Variants in CLIP2 observed in about 807,000 individuals in gnomAD.
CLIP2 encodes CAP-Gly domain containing linker protein 2, also known as CAP-Gly domain-containing linker protein 2.
In CLIP2, 41 loss-of-function variants were observed where a neutral mutation model predicts 111.7. The ratio of observed to expected loss-of-function variants is 0.37; its 90% CI spans 0.29 to 0.48. The LOEUF (loss-of-function observed/expected upper bound fraction) is 0.48. Among genes scored for constraint, CLIP2 ranks in the 20% least tolerant of loss-of-function variants. The pLI is 0.99. For synonymous variants in CLIP2, 660 were observed against 644.2 expected, an observed-to-expected ratio of 1.02 and a Z score of -0.37; for missense variants, 1,160 against 1,422.1, an observed-to-expected ratio of 0.82 and a Z score of 2.96.
At chr7:74,309,814 G>A (rs1170945027) in intron 1 of CLIP2, among the ~76,000 whole-genome samples, 2 of 132,058 alleles carry the variant, frequency 1.5e-5, no homozygotes, top group Admixed American at 8.2e-5. Context: ...GTGACAGAGC[G>A]AGACTCCATC....
chr7:74,324,055 A>G (rs1789045689), intron 2 of CLIP2, among the ~76,000 whole-genome samples: 1 of 152,072 alleles, frequency 6.6e-6, no homozygotes, highest in African/African-American at 2.4e-5. Context: ...GCTGGAGTGC[A>G]GTGGCACGAT....
chr7:74,367,763 TCTCAGATATTGG>T (rs1232371756), intron 8 of CLIP2, among the ~76,000 whole-genome samples: 1 of 152,098 alleles, frequency 6.6e-6, no homozygotes, highest in Non-Finnish European at 1.5e-5. Context: ...ACGGTTCCCA[TCTCAGATATTGG>T]CCCCCAAATC....
In CLIP2 at chr7:74,371,635, TGGAGAGAGAGAG is replaced by T. The variant is rs1406832468; in HGVS notation, c.1381-1292_1381-1281del. 1.0e-4 allele frequency among the ~76,000 whole-genome samples: 9 copies of T among 86,508 alleles called. No individual in the cohort carries two copies. The East Asian group carries it at 2.8e-3, about 27-fold the overall frequency. The allele number at this position is 86,508 out of a possible 152,430, so 56.8% of individuals were successfully genotyped here. ...GGAGGGAGGGAAACAGGGAGGGGAA[TGGAGAGAGAGAG>T]GGAGGGAGAGAGGGAAAAAGAAAGG... On this transcript the variant is annotated intron_variant, in intron 8 of 16. Transcript: ENST00000223398.
chr7:74,366,813 T>TTA (rs1790479019), intron 8 of CLIP2, among the ~76,000 whole-genome samples: 1 of 148,628 alleles, frequency 6.7e-6, no homozygotes, highest in Non-Finnish European at 1.5e-5. Flanking sequence ...GAGGCGGCAG[T>TTA]TACAGTGAGC....
chr7:74,394,598 A>G (rs1027562222), intron 13 of CLIP2, among the ~76,000 whole-genome samples: 5 of 152,218 alleles, frequency 3.3e-5, no homozygotes, highest in Non-Finnish European at 7.3e-5. Flanking sequence ...TGAAGCACAG[A>G]CATCCTTTTG....
At chr7:74,336,033 C>T (rs1427670627) in intron 2 of CLIP2, among the ~76,000 whole-genome samples, 20 of 151,454 alleles carry the variant, frequency 1.3e-4, no homozygotes, top group Admixed American at 7.3e-4. Context: ...TAAGCCACTG[C>T]GCCTGGCCTC....
intron 12 of CLIP2, chr7:74,388,807 A>AG: frequency 4.5e-6 from 1 of 220,946 alleles, no homozygotes. Context: ...AAAAAAAAAA[A>AG]CCGCCAGGTA....
At chr7:74,321,265 C>T (rs229869) in intron 2 of CLIP2, among the ~76,000 whole-genome samples, 93,078 of 151,832 alleles carry the variant, frequency 0.61, 30,557 homozygotes, top group Middle Eastern at 0.74. Flanking sequence ...AAAAAAACGT[C>T]CATTATCCTT....
intron 3 of CLIP2, among the ~76,000 whole-genome samples, chr7:74,344,299 T>G (rs1363196658): frequency 6.6e-6 from 1 of 152,170 alleles, no homozygotes; most frequent in Non-Finnish European, 1.5e-5. Flanking sequence ...ATCTTGACCT[T>G]AGCTTCTCAA....
rs1048033321 is a variant in CLIP2, at chr7:74,289,579, G to A, written c.-223G>A. 15 of 151,962 alleles carry A rather than the reference G, an allele frequency of 9.9e-5. No homozygotes were observed. Among genetic ancestry groups the A allele is most frequent in the African/African-American group, 3.4e-4 (14 of 41,520 alleles). The allele number at this position is 151,962 out of a possible 1,614,324, so 9.4% of individuals were successfully genotyped here. ...GGCCCGGGCCCTGAGCACCTATCGC[G>A]GGGATCCCCGGCGCCAGGAGGGGGT... On this transcript the variant is annotated 5_prime_UTR_variant, in exon 1 of 17. Transcript: ENST00000223398.
intron 9 of CLIP2, among the ~76,000 whole-genome samples, chr7:74,374,023 C>A (rs1261092503): frequency 2.0e-5 from 3 of 152,156 alleles, no homozygotes; most frequent in Non-Finnish European, 4.4e-5. Flanking sequence ...CCACAGTCCC[C>A]TCCAGGCTTA....
Position 74,357,467 on chromosome 7 carries a change from A to G in CLIP2, c.1205A>G (p.Gln402Arg). Residue 402 changes from glutamine to arginine, a missense_variant, in exon 6 of 17, where the codon CAG becomes CGG. By Grantham distance (43) the Gln-to-Arg change is conservative. Around this residue, in one of 5 missense-constraint regions of CLIP2, gnomAD observed 70 missense variants for 114.9 expected, o/e 0.61. Transcript: ENST00000223398. ...AAGGAGATTGCCCTGCTCAAGGCAC[A>G]GCATGAGCAGGTGAGTGGCAGGTGG... ...VEKEIALLKAQHEQYVAEAEE... is the reference protein window; with the variant it reads ...VEKEIALLKARHEQYVAEAEE... 1 of 1,612,346 alleles carries G rather than the reference A, an allele frequency of 6.2e-7. No homozygotes were observed. The highest frequency in any genetic ancestry group is 8.5e-7 in the Non-Finnish European group (1 of 1,179,192).
chr7:74,336,034 G>T (rs1188614181), intron 2 of CLIP2, among the ~76,000 whole-genome samples: 2 of 150,324 alleles, frequency 1.3e-5, no homozygotes, highest in Admixed American at 6.7e-5. Flanking sequence ...AAGCCACTGC[G>T]CCTGGCCTCT....
rs181596257 is a variant in CLIP2 at position 74,305,231 on chromosome 7, C to G, written c.-67-12249C>G. On this transcript the variant is annotated intron_variant, in intron 1 of 16. Transcript: ENST00000223398. The stretch of plus-strand genomic sequence containing the variant: ...TCTCCAATACTTGGCATTGCCAGGC[C>G]TTTTGACTTGCCCATTGGATGGGGC... Among the ~76,000 whole-genome samples the G allele has an allele frequency of 2.4e-3, 372 of 152,266 alleles. 1 individual carries two copies. Among genetic ancestry groups the G allele is most frequent in the African/African-American group, 8.3e-3 (343 of 41,570 alleles).
chr7:74,321,065 C>T (rs1278970799), intron 2 of CLIP2, among the ~76,000 whole-genome samples: 1 of 152,142 alleles, frequency 6.6e-6, no homozygotes, highest in African/African-American at 2.4e-5. Flanking sequence ...TAGCCCTGCT[C>T]CTGCTGTGTG....
At chr7:74,350,408 A>G (rs117395424) in intron 3 of CLIP2, among the ~76,000 whole-genome samples, 4,668 of 151,976 alleles carry the variant, frequency 0.031, 121 homozygotes, top group Non-Finnish European at 0.049. Flanking sequence ...GGGTCTCACT[A>G]TATTGCTCAG....
rs782655740 is a variant in CLIP2 at position 74,376,699 on chromosome 7, C to T, written c.2298C>T (p.Tyr766=). 3.2e-5 allele frequency: 51 copies of T among 1,613,030 alleles called. 1 individual carries two copies. In the Middle Eastern group the frequency reaches 1.5e-3, roughly 47 times the overall value. Residue 766 remains tyrosine, a synonymous_variant, in exon 10 of 17, where the codon TAC becomes TAT. Transcript: ENST00000223398. This position sits in a 1 kb window ranked among gnomAD's most constrained non-coding sequence, Gnocchi z 7.1. The part of the protein sequence containing the change: ...ISLAEKKMLD[Y]ERLQRAEAQG... Reference sequence around the variant, plus strand: ...TGGCCGAGAAGAAGATGTTGGACTACGAGCGGCTGCAGCGGGCAGAAGCCC... The same window carrying T: ...TGGCCGAGAAGAAGATGTTGGACTATGAGCGGCTGCAGCGGGCAGAAGCCC...
At chr7:74,370,040 T>C (rs1240230647) in intron 8 of CLIP2, among the ~76,000 whole-genome samples, 1 of 73,026 alleles carries the variant, frequency 1.4e-5, no homozygotes, top group African/African-American at 3.9e-5. Context: ...TGCCTGTAAT[T>C]CCAGCTACTC....
At chr7:74,327,253 C>T (rs1789139232) in intron 2 of CLIP2, among the ~76,000 whole-genome samples, 1 of 152,144 alleles carries the variant, frequency 6.6e-6, no homozygotes, top group African/African-American at 2.4e-5. Context: ...CAGGCATGTG[C>T]CACCACACTC....
Sources: allele counts gnomAD v4.1 joint callset (sites outside exome capture counted in the v4.1 genomes callset), GRCh38; gene constraint gnomAD v4.1.1; regional missense constraint gnomAD v4.1.1; non-coding constraint Gnocchi (gnomAD v3.1); transcripts MANE v1.5; gene names NCBI Gene and HGNC (gene_info 2026-07-23, HGNC 2026-07-21).